KRABD4: variants seen among roughly 807,000 people sequenced by gnomAD.
KRABD4 encodes KRAB domain containing 4, also known as KRAB domain-containing protein 4.
chrX:46,453,330 G>A, the KRABD4 span, among the ~76,000 whole-genome samples: 37 of 112,019 alleles, frequency 3.3e-4, no homozygotes, highest in African/African-American at 1.1e-3. Flanking sequence ...GAAAGAAAGT[G>A]AAACTCTTCT....
At chrX:46,452,777 C>T in the KRABD4 span, among the ~76,000 whole-genome samples, 7 of 111,991 alleles carry the variant, frequency 6.3e-5, no homozygotes, top group African/African-American at 2.3e-4. Flanking sequence ...TCAGAACTGT[C>T]AATTGCCTTC....
At chrX:46,456,256 CATTT>C in the KRABD4 span, 1 of 107,214 alleles carries the variant, frequency 9.3e-6, no homozygotes, top group Non-Finnish European at 1.9e-5. Flanking sequence ...GATAAATAAT[CATTT>C]ATCATTTAAT....
chrX:46,465,500 T>C, the KRABD4 span, among the ~76,000 whole-genome samples: 15 of 113,079 alleles, frequency 1.3e-4, no homozygotes, highest in Non-Finnish European at 1.9e-4. Flanking sequence ...AACTGAATTT[T>C]CAGAAATTAA....
the KRABD4 span, among the ~76,000 whole-genome samples, chrX:46,457,632 T>G: frequency 3.7e-5 from 4 of 108,443 alleles, no homozygotes; most frequent in Non-Finnish European, 7.7e-5. Flanking sequence ...AGTTTTTTTT[T>G]TTTTTTTTTT....
chrX:46,462,283 G>A, the KRABD4 span, among the ~76,000 whole-genome samples: 2,031 of 111,381 alleles, frequency 0.018, 46 homozygotes, highest in African/African-American at 0.063. Flanking sequence ...AGGCTAAGGC[G>A]GGCAGATCAC....
the KRABD4 span, among the ~76,000 whole-genome samples, chrX:46,464,577 C>A: frequency 8.9e-6 from 1 of 112,374 alleles, no homozygotes; most frequent in East Asian, 2.8e-4. Context: ...GTGGCTCCCA[C>A]CACTCTAGCT....
chrX:46,458,058 C>G, the KRABD4 span, among the ~76,000 whole-genome samples: 268 of 111,725 alleles, frequency 2.4e-3, 3 homozygotes, highest in African/African-American at 8.3e-3. Context: ...TTAGAAATTT[C>G]TAAGCACAAT....
the KRABD4 span, among the ~76,000 whole-genome samples, chrX:46,463,872 G>A: frequency 9.1e-5 from 10 of 110,126 alleles, no homozygotes; most frequent in East Asian, 2.8e-4. Context: ...TACCCACCAC[G>A]TTCTTGCCTG....
chrX:46,453,304 A>G, the KRABD4 span, among the ~76,000 whole-genome samples: 1 of 112,130 alleles, frequency 8.9e-6, no homozygotes, highest in Admixed American at 9.5e-5. Context: ...GGCACCGTTG[A>G]GTCTCCGTCT....
At chrX:46,464,871 G>A in the KRABD4 span, among the ~76,000 whole-genome samples, 1 of 111,905 alleles carries the variant, frequency 8.9e-6, no homozygotes, top group Non-Finnish European at 1.9e-5. Flanking sequence ...GTCTAAGAGT[G>A]CAGAACAGTA....
the KRABD4 span, chrX:46,463,468 G>A: frequency 5.0e-4 from 260 of 520,971 alleles, 1 homozygote; most frequent in Middle Eastern, 1.0e-3. Flanking sequence ...CCTGGCCGCC[G>A]GTTACAGTCT....
At chrX:46,453,211 T>C in the KRABD4 span, among the ~76,000 whole-genome samples, 2 of 112,081 alleles carry the variant, frequency 1.8e-5, no homozygotes, top group Admixed American at 1.9e-4. Flanking sequence ...AGAGTTCTTG[T>C]ATTGCTTAAA....
the KRABD4 span, chrX:46,463,556 C>T: frequency 6.9e-6 from 3 of 432,710 alleles, no homozygotes; most frequent in Non-Finnish European, 1.2e-5. Flanking sequence ...AGCCTCCTGG[C>T]TTGTTAGTGA....
the KRABD4 span, among the ~76,000 whole-genome samples, chrX:46,457,898 C>G: frequency 9.1e-6 from 1 of 109,921 alleles, no homozygotes; most frequent in African/African-American, 3.3e-5. Context: ...CCTGCCACCA[C>G]GCCCAGCTAA....
chrX:46,456,555 A>G, the KRABD4 span: 1 of 229,334 alleles, frequency 4.4e-6, no homozygotes, highest in Non-Finnish European at 8.7e-6. Context: ...GGTCACTTGT[A>G]GTTTAGCTGT....
At chrX:46,450,533 T>A in the KRABD4 span, 1 of 1,058,328 alleles carries the variant, frequency 9.4e-7, no homozygotes, top group Non-Finnish European at 1.3e-6. Flanking sequence ...AGGTTTGGAA[T>A]CTATATAGCA....
the KRABD4 span, among the ~76,000 whole-genome samples, chrX:46,468,025 G>A: frequency 9.0e-6 from 1 of 111,278 alleles, no homozygotes; most frequent in Non-Finnish European, 1.9e-5. Context: ...GATTTTTTCT[G>A]TATGTTTTCT....
chrX:46,466,309 G>A, the KRABD4 span, among the ~76,000 whole-genome samples: 5 of 110,870 alleles, frequency 4.5e-5, no homozygotes, highest in Admixed American at 3.9e-4. Context: ...CTTCTCCCCC[G>A]ACATTTTATT....
the KRABD4 span, chrX:46,457,163 T>C: frequency 3.5e-6 from 1 of 283,492 alleles, no homozygotes; most frequent in Non-Finnish European, 6.5e-6. Context: ...AGCGGAGAAT[T>C]CCAAAAGCTA....
Sources: allele counts gnomAD v4.1 joint callset (sites outside exome capture counted in the v4.1 genomes callset), GRCh38; gene constraint gnomAD v4.1.1; transcripts MANE v1.5; gene names NCBI Gene and HGNC (gene_info 2026-07-23, HGNC 2026-07-21).